Variants in SORCS3 observed in about 807,000 individuals in gnomAD.
SORCS3 encodes sortilin related VPS10 domain containing receptor 3, also known as VPS10 domain-containing receptor SorCS3.
In SORCS3, 57 loss-of-function variants were observed where a neutral mutation model predicts 146.3. The ratio of observed to expected loss-of-function variants is 0.39; its 90% CI spans 0.31 to 0.49. The LOEUF is 0.49. Among genes scored for constraint, SORCS3 ranks in the 20% least tolerant of loss-of-function variants. The pLI is 0.92. For synonymous variants in SORCS3, 653 were observed against 618.5 expected (o/e 1.06, Z -0.83); for missense variants, 1,341 against 1,575.5 (o/e 0.85, Z 2.52).
At chr10:105,177,955 A>G in intron 13 of SORCS3, 111 bp from the exon 14 acceptor site, 1 of 735,862 alleles carries the variant, frequency 1.4e-6, no homozygotes, top group Non-Finnish European at 2.4e-6. Flanking sequence ...TTGATAATCC[A>G]CACTGCCAGA....
rs3069967 is a variant in SORCS3, at chr10:104,643,709, G to GGTGTGTGTGTGTGT, written c.627+1778_627+1791dup. The stretch of plus-strand genomic sequence containing the variant: ...AACTTCATTTTAGTTTGATAATTAG[G>GGTGTGTGTGTGTGT]GTGTGTGTGTGTGTGTGTGTGTGTG... On this transcript the variant is annotated intron_variant, in intron 1 of 26. Coordinates refer to ENST00000369701, the MANE Select transcript of SORCS3 (RefSeq NM_014978.3). Among the ~76,000 whole-genome samples the GGTGTGTGTGTGTGT allele has an allele frequency of 6.0e-3, 868 of 144,686 alleles. 9 individuals carry two copies. Among genetic ancestry groups the GGTGTGTGTGTGTGT allele is most frequent in the African/African-American group, 0.02 (760 of 38,202 alleles). The allele number at this position is 144,686 out of a possible 152,430, so 94.9% of individuals were successfully genotyped here.
chr10:104,980,284 GT>G (rs1236143280), intron 4 of SORCS3, among the ~76,000 whole-genome samples: 2 of 152,190 alleles, frequency 1.3e-5, no homozygotes, highest in African/African-American at 4.8e-5. Flanking sequence ...GGCCCATAAA[GT>G]TTCTAACCAG....
intron 13 of SORCS3, among the ~76,000 whole-genome samples, chr10:105,170,195 C>T (rs1383108709): frequency 6.6e-6 from 1 of 152,206 alleles, no homozygotes; most frequent in South Asian, 2.1e-4. Context: ...CAGTCTGATC[C>T]ACAAAAGTTT....
chr10:104,938,123 G>A (rs1024773237), intron 3 of SORCS3, among the ~76,000 whole-genome samples: 1 of 152,072 alleles, frequency 6.6e-6, no homozygotes, highest in Non-Finnish European at 1.5e-5. Flanking sequence ...CTTTACTGTC[G>A]TTAGTGCCTT....
chr10:104,743,956 T>A (rs1192612879), intron 1 of SORCS3, among the ~76,000 whole-genome samples: 1 of 152,200 alleles, frequency 6.6e-6, no homozygotes, highest in Non-Finnish European at 1.5e-5. Context: ...TGATCATTAT[T>A]CTAACAACAA....
intron 4 of SORCS3, among the ~76,000 whole-genome samples, chr10:105,023,453 G>A (rs1022778812): frequency 2.0e-5 from 3 of 152,120 alleles, no homozygotes; most frequent in African/African-American, 7.2e-5. Context: ...ACTGTGGGGG[G>A]AGCCTCCTTT....
chr10:104,952,255 GAAAAA>G (rs55880149), intron 3 of SORCS3, among the ~76,000 whole-genome samples: 5,008 of 40,232 alleles, frequency 0.12, 154 homozygotes, highest in African/African-American at 0.22. Context: ...ATGAATGTTT[GAAAAA>G]AAAAAAAAAA....
At chr10:105,187,525 G>A (rs2119584410) in intron 14 of SORCS3, among the ~76,000 whole-genome samples, 1 of 152,318 alleles carries the variant, frequency 6.6e-6, no homozygotes, top group East Asian at 1.9e-4. Flanking sequence ...GTCTGCTGAT[G>A]TCTGGCCTTG....
chr10:104,718,783 A>G (rs2016509804), intron 1 of SORCS3, among the ~76,000 whole-genome samples: 2 of 152,336 alleles, frequency 1.3e-5, no homozygotes, highest in South Asian at 4.1e-4. Context: ...GAGGAACTGG[A>G]GGAAGTCCAG....
intron 3 of SORCS3, among the ~76,000 whole-genome samples, chr10:104,936,107 AG>A (rs34420536): frequency 0.28 from 41,997 of 152,080 alleles, 7,456 homozygotes; most frequent in African/African-American, 0.51. Flanking sequence ...TGCCACCTGA[AG>A]GCCTAATCAT....
intron 4 of SORCS3, among the ~76,000 whole-genome samples, chr10:105,008,205 C>T (rs187244641): frequency 1.3e-5 from 2 of 152,272 alleles, no homozygotes; most frequent in African/African-American, 4.8e-5. Context: ...ATTATAACCA[C>T]CCCATTTTGC....
intron 18 of SORCS3, among the ~76,000 whole-genome samples, chr10:105,216,235 A>G (rs1448287547): frequency 3.3e-5 from 5 of 152,208 alleles, no homozygotes; most frequent in African/African-American, 1.2e-4. Flanking sequence ...TTGGGGTGGT[A>G]TGCAGTATTC....
intron 20 of SORCS3, among the ~76,000 whole-genome samples, chr10:105,235,443 T>TGA (rs1331639458): frequency 6.7e-6 from 1 of 150,186 alleles, no homozygotes; most frequent in Non-Finnish European, 1.5e-5. Flanking sequence ...AGACTGTGTG[T>TGA]GTGTGTGTGT....
rs114696914 is a variant in SORCS3 at position 104,843,873 on chromosome 10, A to G, written c.695+1014A>G. Among the ~76,000 whole-genome samples, 1,408 of 152,246 alleles carry G rather than the reference A, an allele frequency of 9.2e-3. 17 individuals carry two copies. The highest frequency in any genetic ancestry group is 0.032 in the African/African-American group (1,332 of 41,526). ...TGTGTTTTCTCCCATTTACCTTGTG[A>G]TGTGTCAATACTGGGCAGGAAGCTG... is the stretch of plus-strand genomic sequence containing the variant. On this transcript the variant is annotated intron_variant, in intron 2 of 26. Transcript: ENST00000369701.
In SORCS3 at chr10:105,152,789, C is replaced by T. The variant is rs553836657; in HGVS notation, c.1483-4349C>T. ...ACTTATATATTTTTTTCTTATTTATCTCTCACAATATCACATTCTTCATTG... is the reference window on the plus strand; with the variant it reads ...ACTTATATATTTTTTTCTTATTTATTTCTCACAATATCACATTCTTCATTG... On this transcript the variant is annotated intron_variant, in intron 9 of 26. Transcript: ENST00000369701. 2.9e-4 allele frequency among the ~76,000 whole-genome samples: 44 copies of T among 152,282 alleles called. No individual in the cohort carries two copies. In the South Asian group the frequency reaches 3.3e-3, roughly 11 times the overall value.
At chr10:105,012,264 T>A (rs1230807722) in intron 4 of SORCS3, among the ~76,000 whole-genome samples, 1 of 152,194 alleles carries the variant, frequency 6.6e-6, no homozygotes, top group Non-Finnish European at 1.5e-5. Context: ...CTTTATGATG[T>A]TTGATTCTGG....
intron 16 of SORCS3, among the ~76,000 whole-genome samples, chr10:105,209,986 A>T (rs2056624505): frequency 6.6e-6 from 1 of 152,136 alleles, no homozygotes; most frequent in African/African-American, 2.4e-5. Context: ...GAGGACACGG[A>T]TTATCACACC....
At chr10:105,063,901 A>T in intron 5 of SORCS3, among the ~76,000 whole-genome samples, 1 of 152,252 alleles carries the variant, frequency 6.6e-6, no homozygotes, top group East Asian at 1.9e-4. Flanking sequence ...GTCAGCCAGT[A>T]GCCTATGCAG....
intron 1 of SORCS3, among the ~76,000 whole-genome samples, chr10:104,794,908 C>A (rs1301776750): frequency 6.6e-6 from 1 of 152,000 alleles, no homozygotes; most frequent in Non-Finnish European, 1.5e-5. Context: ...CTAAGAAAAG[C>A]CATAGATGGT....
Sources: gnomAD v4.1 joint callset for allele counts (sites outside exome capture counted in the v4.1 genomes callset) on GRCh38, gnomAD v4.1.1 for gene constraint, MANE v1.5 for transcripts, NCBI Gene and HGNC (gene_info 2026-07-23, HGNC 2026-07-21) for gene names.